AKR1C4: variants seen among roughly 807,000 people sequenced by gnomAD.
AKR1C4 encodes the protein aldo-keto reductase family 1 member C4.
AKR1C4 carries 44 observed loss-of-function variants against 41.0 expected under a neutral mutation model. The ratio of observed to expected loss-of-function variants is 1.07; its 90% CI spans 0.84 to 1.38. The LOEUF (loss-of-function observed/expected upper bound fraction) is 1.38, where lower values mean the gene tolerates loss of function less well. Among genes scored for constraint, AKR1C4 ranks in the 40% most tolerant of loss-of-function variants. The pLI is 0.00. For synonymous variants in AKR1C4, 165 were observed against 137.7 expected (o/e 1.20, Z -1.39); for missense variants, 438 against 387.9 (o/e 1.13, Z -1.09).
Position 5,205,798 on chromosome 10 carries a change from A to T in AKR1C4, c.411A>T (p.Val137=), listed in dbSNP as rs1216012027. 3 of 1,613,544 alleles carry T rather than the reference A, an allele frequency of 1.9e-6. No individual in the cohort carries two copies. In the East Asian group the frequency reaches 6.7e-5, roughly 36 times the overall value. Residue 137 remains valine, a synonymous_variant, in exon 4 of 9, where the codon GTA becomes GTT. Coordinates refer to ENST00000263126, the MANE Select transcript of AKR1C4 (RefSeq NM_001818.5). ...TPLPKDENGK[V]IFDTVDLSAT... Reference sequence around the variant, plus strand: ...TACCAAAAGATGAAAATGGAAAAGTAATATTCGACACAGTGGATCTCTCTG... The same window carrying T: ...TACCAAAAGATGAAAATGGAAAAGTTATATTCGACACAGTGGATCTCTCTG...
intron 1 of AKR1C4, 130 bp downstream of exon 1, chr10:5,197,081 G>C (rs1419733075): frequency 1.4e-5 from 12 of 841,544 alleles, no homozygotes; most frequent in Middle Eastern, 2.2e-4. Flanking sequence ...TACTGGGCTA[G>C]AGCTATTCTA....
At chr10:5,213,821 T>A (rs1313483130) in intron 7 of AKR1C4, among the ~76,000 whole-genome samples, 1 of 152,170 alleles carries the variant, frequency 6.6e-6, no homozygotes, top group African/African-American at 2.4e-5. Context: ...AGAATCCATA[T>A]TCTGGATATT....
At chr10:5,209,519 A>G (rs7893850) in intron 5 of AKR1C4, among the ~76,000 whole-genome samples, 17,552 of 152,172 alleles carry the variant, frequency 0.12, 1,224 homozygotes, top group Admixed American at 0.17. Context: ...TTACTGTAAT[A>G]ATCACTATAT....
At chr10:5,201,363 T>G (rs1458867162) in intron 2 of AKR1C4, among the ~76,000 whole-genome samples, 29 of 152,340 alleles carry the variant, frequency 1.9e-4, no homozygotes, top group Admixed American at 1.4e-3. Flanking sequence ...TTAGTTATGT[T>G]GAGCATTTTT....
At chr10:5,212,568 A>G (rs1564404004) in intron 5 of AKR1C4, 48 bp from the exon 6 acceptor site, 5 of 1,484,058 alleles carry the variant, frequency 3.4e-6, no homozygotes, top group Non-Finnish European at 3.7e-6. Flanking sequence ...TTATATTAAC[A>G]TATCTGTTTT....
intron 7 of AKR1C4, among the ~76,000 whole-genome samples, chr10:5,216,166 A>T (rs782363048): frequency 2.0e-4 from 31 of 152,232 alleles, no homozygotes; most frequent in African/African-American, 4.6e-4. Context: ...AGGGAAAAAA[A>T]GAAAATGTCA....
At chr10:5,199,768 C>G (rs964271605) in intron 1 of AKR1C4, among the ~76,000 whole-genome samples, 21 of 152,112 alleles carry the variant, frequency 1.4e-4, no homozygotes, top group African/African-American at 4.8e-4. Flanking sequence ...CTCAATGAAA[C>G]CCTGCACTCA....
chr10:5,206,189 G>C, intron 4 of AKR1C4, 86 bp from the exon 5 acceptor site: 3 of 1,589,620 alleles, frequency 1.9e-6, no homozygotes, highest in Non-Finnish European at 2.6e-6. Flanking sequence ...TATCTTAACA[G>C]TTGTTGCTTT....
Position 5,200,196 on chromosome 10 carries a change from G to C in AKR1C4, c.100G>C (p.Ala34Pro). Reference sequence around the variant, plus strand: ...GCTCCTTCAGGTTCCGAGGAACAGAGCTGTAGAGGTCACCAAATTAGCAAT... The same window carrying C: ...GCTCCTTCAGGTTCCGAGGAACAGACCTGTAGAGGTCACCAAATTAGCAAT... ...YAPPEVPRNR[A>P]VEVTKLAIEA... Residue 34 changes from alanine (A) to proline (P), a missense_variant, in exon 2 of 9, where the codon GCT becomes CCT. Physicochemically the swap from Ala to Pro is conservative, Grantham distance 27. Coordinates refer to ENST00000263126, the MANE Select transcript of AKR1C4 (RefSeq NM_001818.5). 1 of 1,613,802 alleles carries C rather than the reference G, an allele frequency of 6.2e-7. No individual in the cohort carries two copies. Among genetic ancestry groups the C allele is most frequent in the Non-Finnish European group, 8.5e-7 (1 of 1,179,788 alleles).
intron 2 of AKR1C4, among the ~76,000 whole-genome samples, chr10:5,200,986 C>T (rs1341307953): frequency 6.6e-6 from 1 of 152,058 alleles, no homozygotes; most frequent in African/African-American, 2.4e-5. Context: ...ATATATACCA[C>T]ATTTTCATTA....
intron 5 of AKR1C4, among the ~76,000 whole-genome samples, chr10:5,212,332 A>G (rs1159151958): frequency 1.3e-5 from 2 of 152,210 alleles, no homozygotes; most frequent in Non-Finnish European, 2.9e-5. Flanking sequence ...TTCAAAGCTC[A>G]GAATCTTAAC....
chr10:5,207,148 T>C (rs4881412), intron 5 of AKR1C4: 148,530 of 183,998 alleles, frequency 0.81, 62,678 homozygotes, highest in East Asian at 0.98. Context: ...TTTTGGGACA[T>C]TTATTTGCAG....
chr10:5,215,978 C>T (rs7912751), intron 7 of AKR1C4, among the ~76,000 whole-genome samples: 17,256 of 152,088 alleles, frequency 0.11, 1,192 homozygotes, highest in Admixed American at 0.17. Flanking sequence ...GTCCATTGTG[C>T]GTTGCTATAA....
intron 2 of AKR1C4, among the ~76,000 whole-genome samples, chr10:5,203,303 C>T (rs1044901305): frequency 1.3e-5 from 2 of 152,166 alleles, no homozygotes; most frequent in Admixed American, 6.5e-5. Context: ...CGATCTGTGA[C>T]ATGTGGCTGA....
chr10:5,196,919 G>T lies in AKR1C4; in HGVS notation c.52G>T (p.Val18Leu), dbSNP rs574478596. The part of the protein sequence containing the change: ...VELNDGHFMP[V>L]LGFGTYAPPE... ...GCTAAATGATGGTCACTTCATGCCC[G>T]TATTGGGATTTGGCACCTATGCACC... The change falls in exon 1 of 9, where the codon GTA becomes TTA. Residue 18 changes from valine (V) to leucine (L), a missense_variant. Val to Leu is a conservative substitution (Grantham distance 32). Transcript: ENST00000263126. The T allele has an allele frequency of 1.9e-6, 3 of 1,613,670 alleles. No individual in the cohort carries two copies. The highest frequency in any genetic ancestry group is 1.1e-5 in the South Asian group (1 of 91,064).
chr10:5,213,034 C>A lies in AKR1C4; in HGVS notation c.721C>A (p.Leu241Ile). ...NSPVLLEDPV[L>I]CALAKKHKQT... The stretch of plus-strand genomic sequence containing the variant: ...CCCAGTTCTTTTGGAGGACCCAGTT[C>A]TTTGTGCCTTAGCAAAGAAACACAA... The change falls in exon 7 of 9, where the codon CTT (leucine) becomes ATT (isoleucine). Residue 241 changes from leucine (L) to isoleucine (I), a missense_variant. Physicochemically the swap from Leu to Ile is conservative, Grantham distance 5. Coordinates refer to ENST00000263126, the MANE Select transcript of AKR1C4 (RefSeq NM_001818.5). 2 of 1,614,144 alleles carry A rather than the reference C, an allele frequency of 1.2e-6. No individual in the cohort carries two copies. Among genetic ancestry groups the A allele is most frequent in the South Asian group, 2.2e-5 (2 of 91,068 alleles).
rs539485038 is a variant in AKR1C4, at chr10:5,202,068, A to G, written c.252+1720A>G. 2.0e-5 allele frequency among the ~76,000 whole-genome samples: 3 copies of G among 152,124 alleles called. No homozygotes were observed. In the South Asian group the frequency reaches 6.2e-4, roughly 32 times the overall value. The stretch of plus-strand genomic sequence containing the variant: ...TCCAGATTTCTTCTTTTTGCTTAGT[A>G]TTGCCTTGGCTATTGAGGCCCTTTT... On this transcript the variant is annotated intron_variant, in intron 2 of 8. Transcript: ENST00000263126.
chr10:5,205,485 G>A (rs1255118787), intron 3 of AKR1C4, among the ~76,000 whole-genome samples: 3 of 152,060 alleles, frequency 2.0e-5, no homozygotes, highest in Admixed American at 6.6e-5. Context: ...AAAATTATAG[G>A]ATCAGACAAA....
At chr10:5,199,770 C>G (rs1290290701) in intron 1 of AKR1C4, among the ~76,000 whole-genome samples, 1 of 152,140 alleles carries the variant, frequency 6.6e-6, no homozygotes, top group Admixed American at 6.5e-5. Flanking sequence ...CAATGAAACC[C>G]TGCACTCATT....
Sources: allele counts gnomAD v4.1 joint callset (sites outside exome capture counted in the v4.1 genomes callset), GRCh38; gene constraint gnomAD v4.1.1; transcripts MANE v1.5; gene names NCBI Gene and HGNC (gene_info 2026-07-23, HGNC 2026-07-21).